Variants in PDE10A observed in about 807,000 individuals in gnomAD.
PDE10A encodes phosphodiesterase 10A.
PDE10A carries 39 observed loss-of-function variants against 97.7 expected under a neutral mutation model. The observed-to-expected ratio is 0.40, with a 90% CI of 0.31 to 0.52. The LOEUF is 0.52. Ranked by LOEUF, PDE10A falls within the 20% of genes least tolerant of loss-of-function variation. The pLI is 0.56. For missense variants in PDE10A, 731 were observed against 1,047.8 expected, an observed-to-expected ratio of 0.70 and a Z score of 4.17; for synonymous variants, 371 against 376.8, an observed-to-expected ratio of 0.98 and a Z score of 0.18.
intron 20 of PDE10A, among the ~76,000 whole-genome samples, chr6:165,338,354 A>G (rs542181566): frequency 6.6e-6 from 1 of 152,362 alleles, no homozygotes; most frequent in African/African-American, 2.4e-5. Flanking sequence ...TATCTGTATC[A>G]TAATTATTTA....
intron 4 of PDE10A, among the ~76,000 whole-genome samples, chr6:165,449,739 A>T (rs1437856032): frequency 2.0e-5 from 3 of 152,216 alleles, no homozygotes; most frequent in Admixed American, 2.0e-4. Context: ...CAAATTAAAA[A>T]ACAAAAGATA....
In PDE10A at chr6:165,388,577, A is replaced by G; in HGVS notation, c.2455-124T>C. On this transcript the variant is annotated intron_variant, in intron 16 of 21. Coordinates refer to ENST00000539869, the MANE Select transcript of PDE10A (RefSeq NM_001385079.1). The surrounding 1 kb of genome is among the most constrained non-coding windows in gnomAD (Gnocchi z 4.0). Reference sequence around the variant, plus strand: ...TATAGCACAAATACAGCATTCTGGCATAAAGAATCCTATACAAATAGAGCA... The same window carrying G: ...TATAGCACAAATACAGCATTCTGGCGTAAAGAATCCTATACAAATAGAGCA... 2.4e-6 allele frequency: 2 copies of G among 829,306 alleles called. No individual in the cohort carries two copies. The highest frequency in any genetic ancestry group is 2.0e-5 in the Admixed American group (1 of 49,706). 51.4% of individuals were successfully genotyped at this position (829,306 alleles called of 1,614,324 possible). A position where few individuals can be genotyped will look rare whatever the true frequency, so the allele number is the denominator to read the frequency against.
chr6:165,977,781 G>C (rs1304379971), intron 1 of PDE10A, among the ~76,000 whole-genome samples: 3 of 152,154 alleles, frequency 2.0e-5, no homozygotes, highest in African/African-American at 7.2e-5. Context: ...TCCACTAAAG[G>C]CATGTACAAA....
At chr6:165,898,618 C>T (rs1782020955) in intron 1 of PDE10A, among the ~76,000 whole-genome samples, 1 of 152,076 alleles carries the variant, frequency 6.6e-6, no homozygotes, top group Admixed American at 6.5e-5. Context: ...CTGGGAATCC[C>T]ATACCCTGAG....
chr6:165,925,591 T>C (rs1052673044), intron 1 of PDE10A, among the ~76,000 whole-genome samples: 1 of 152,242 alleles, frequency 6.6e-6, no homozygotes, highest in Non-Finnish European at 1.5e-5. Context: ...CTCCAGTGAA[T>C]TATGTGGAGT....
chr6:165,956,868 C>A (rs975992187), intron 1 of PDE10A, among the ~76,000 whole-genome samples: 1 of 152,140 alleles, frequency 6.6e-6, no homozygotes, highest in East Asian at 1.9e-4. Flanking sequence ...TCCAAATCAA[C>A]CTTTACTTAA....
In PDE10A at chr6:165,984,095, C is replaced by A. The variant is rs1785106426; in HGVS notation, c.-615+3434G>T. Among the ~76,000 whole-genome samples the A allele has an allele frequency of 2.6e-5, 4 of 152,180 alleles. No individual in the cohort carries two copies. In the South Asian group the frequency reaches 8.3e-4, roughly 32 times the overall value. ...GTTTCTACAGTTACATATTCTCAGA[C>A]AATTACCAAGTAGCATTTTTAGTTG... On this transcript the variant is annotated intron_variant, in intron 1 of 19. Transcript: ENST00000366882.
At chr6:165,370,564 C>A (rs1478675121) in intron 18 of PDE10A, among the ~76,000 whole-genome samples, 4 of 149,592 alleles carry the variant, frequency 2.7e-5, no homozygotes, top group African/African-American at 4.9e-5. Context: ...TACAGGAGCA[C>A]CCAGATTCAC....
At chr6:165,421,040 CAG>C (rs1407496043) in intron 10 of PDE10A, among the ~76,000 whole-genome samples, 1 of 152,136 alleles carries the variant, frequency 6.6e-6, no homozygotes, top group Non-Finnish European at 1.5e-5. Context: ...ATATTAAAAA[CAG>C]AGTTTATTCT....
rs767332166 is a variant in PDE10A at position 165,943,341 on chromosome 6, G to GAAA, written c.-615+44185_-615+44187dup. ...AAGGAAAGAAAGAAAAAGAAAGAAAGAAAAGAGAAAGAAAGAAAGAGAAAG... is the reference window on the plus strand; with the variant it reads ...AAGGAAAGAAAGAAAAAGAAAGAAAGAAAAAAAGAGAAAGAAAGAAAGAGAAAG... On this transcript the variant is annotated intron_variant, in intron 1 of 19. Coordinates refer to the PDE10A transcript ENST00000366882. Among the ~76,000 whole-genome samples, 236 of 104,968 alleles carry GAAA rather than the reference G, an allele frequency of 2.2e-3. 27 individuals carry two copies. The highest frequency in any genetic ancestry group is 0.012 in the African/African-American group (226 of 18,838). 68.9% of individuals were successfully genotyped at this position (104,968 alleles called of 152,430 possible). A position where few individuals can be genotyped will look rare whatever the true frequency, so the allele number is the denominator to read the frequency against.
chr6:165,969,886 AGAAAAAGAAAAT>A (rs1411399893), intron 1 of PDE10A, among the ~76,000 whole-genome samples: 4 of 152,246 alleles, frequency 2.6e-5, no homozygotes, highest in African/African-American at 9.6e-5. Flanking sequence ...AGAAGTTTGG[AGAAAAAGAAAAT>A]GTTTACATGA....
chr6:165,640,522 A>T (rs1789079979), intron 1 of PDE10A, among the ~76,000 whole-genome samples: 1 of 152,230 alleles, frequency 6.6e-6, no homozygotes, highest in African/African-American at 2.4e-5. Flanking sequence ...AAATGAACAT[A>T]AAAATTAAGA....
intron 1 of PDE10A, among the ~76,000 whole-genome samples, chr6:165,802,850 C>A (rs11755875): frequency 0.21 from 31,452 of 152,132 alleles, 3,963 homozygotes; most frequent in East Asian, 0.45. Context: ...CATTCCTGAT[C>A]GCATGGTTTT....
chr6:165,381,631 ATTTTTTTT>A (rs547827126), intron 17 of PDE10A, among the ~76,000 whole-genome samples: 1 of 118,686 alleles, frequency 8.4e-6, no homozygotes, highest in African/African-American at 3.3e-5. Context: ...CACCTGGCTA[ATTTTTTTT>A]TTTTTTTTTT....
intron 5 of PDE10A, among the ~76,000 whole-genome samples, chr6:165,441,164 T>C (rs1790427054): frequency 6.6e-6 from 1 of 152,192 alleles, no homozygotes; most frequent in South Asian, 2.1e-4. Context: ...CCCTCTCATC[T>C]ACTGAGAGGT....
chr6:165,624,347 C>T (rs143899058), intron 1 of PDE10A, among the ~76,000 whole-genome samples: 6 of 152,272 alleles, frequency 3.9e-5, no homozygotes, highest in East Asian at 1.9e-4. Flanking sequence ...ACTTTTATCT[C>T]GGTACACTCT....
At position 165,713,290 on chromosome 6, in the gene PDE10A, A is replaced by G. The variant is rs546998479; in HGVS notation, c.-614-169722T>C. 7.2e-5 allele frequency among the ~76,000 whole-genome samples: 11 copies of G among 152,366 alleles called. No homozygotes were observed. The East Asian group carries it at 2.1e-3, about 29-fold the overall frequency. ...GTGAATTTACACAAGTAAATGAAGG[A>G]ATGACTGGGGAAATTTTCCCAATTA... On this transcript the variant is annotated intron_variant, in intron 1 of 19. Coordinates refer to the PDE10A transcript ENST00000366882.
At chr6:165,896,724 C>A (rs1781960241) in intron 1 of PDE10A, among the ~76,000 whole-genome samples, 1 of 152,068 alleles carries the variant, frequency 6.6e-6, no homozygotes, top group East Asian at 1.9e-4. Context: ...TGGGGTTTCA[C>A]CGTGTTAGCC....
At chr6:165,469,799 T>C (rs1332890070) in intron 3 of PDE10A, among the ~76,000 whole-genome samples, 2 of 152,238 alleles carry the variant, frequency 1.3e-5, no homozygotes, top group African/African-American at 4.8e-5. Flanking sequence ...AAATCCTGTG[T>C]TGATGATCAA....
Sources: gnomAD v4.1 joint callset for allele counts (sites outside exome capture counted in the v4.1 genomes callset) on GRCh38, gnomAD v4.1.1 for gene constraint, Gnocchi (gnomAD v3.1) non-coding constraint, MANE v1.5 for transcripts, NCBI Gene and HGNC (gene_info 2026-07-23, HGNC 2026-07-21) for gene names.